The following SIPA1L2 variants were observed in gnomAD, a reference collection of about 807,000 sequenced individuals.
SIPA1L2 encodes signal induced proliferation associated 1 like 2.
In SIPA1L2, 56 loss-of-function variants were observed where a neutral mutation model predicts 163.9. The ratio of observed to expected loss-of-function variants is 0.34; its 90% CI spans 0.28 to 0.43. SIPA1L2 has a LOEUF of 0.43. Ranked by LOEUF, SIPA1L2 falls within the 20% of genes least tolerant of loss-of-function variation. The pLI, the probability that SIPA1L2 is intolerant of heterozygous loss-of-function variation, is 1.00. For synonymous variants in SIPA1L2, 877 were observed against 865.7 expected, an observed-to-expected ratio of 1.01 and a Z score of -0.23; for missense variants, 1,974 against 2,193.5, an observed-to-expected ratio of 0.90 and a Z score of 2.00.
intron 3 of SIPA1L2, among the ~76,000 whole-genome samples, chr1:232,501,147 T>C (rs1372612169): frequency 7.2e-6 from 1 of 138,478 alleles, no homozygotes; most frequent in Non-Finnish European, 1.5e-5. Flanking sequence ...AAGCTCTGCC[T>C]CCCAGGTTCA....
At chr1:232,528,084 A>AT (rs1667801222) in intron 2 of SIPA1L2, among the ~76,000 whole-genome samples, 2 of 122,948 alleles carry the variant, frequency 1.6e-5, no homozygotes, top group South Asian at 2.6e-4. Flanking sequence ...AGTTTTATAT[A>AT]TATATATATA....
At chr1:232,536,255 C>G (rs766732900) in intron 2 of SIPA1L2, among the ~76,000 whole-genome samples, 1 of 152,242 alleles carries the variant, frequency 6.6e-6, no homozygotes, top group Non-Finnish European at 1.5e-5. Flanking sequence ...CCTTCACTCT[C>G]TTTTGGCAAT....
chr1:232,488,022 T>C (rs578078819), intron 5 of SIPA1L2, among the ~76,000 whole-genome samples: 1 of 152,076 alleles, frequency 6.6e-6, no homozygotes, highest in Non-Finnish European at 1.5e-5. Flanking sequence ...GGTGCGATCT[T>C]GGCTCACTGC....
chr1:232,573,751 G>A (rs765189300), intron 2 of SIPA1L2, among the ~76,000 whole-genome samples: 8 of 152,104 alleles, frequency 5.3e-5, no homozygotes, highest in South Asian at 2.1e-4. Flanking sequence ...CACAACGGCC[G>A]CTCTCAGTGG....
At chr1:232,512,485 G>A (rs1361263045) in intron 3 of SIPA1L2, among the ~76,000 whole-genome samples, 1 of 152,136 alleles carries the variant, frequency 6.6e-6, no homozygotes, top group African/African-American at 2.4e-5. Context: ...GCCCATCAAT[G>A]ATAGACTAGA....
At position 232,404,027 on chromosome 1, in the gene SIPA1L2, C is replaced by T; in HGVS notation, c.4816+98G>A. 7 of 1,385,520 alleles carry T rather than the reference C, an allele frequency of 5.1e-6. No homozygotes were observed. The South Asian group carries it at 5.9e-5, about 12-fold the overall frequency. 85.8% of individuals were successfully genotyped at this position (1,385,520 alleles called of 1,614,324 possible). Reference sequence around the variant, plus strand: ...ACATGTCCCGCTGTGCACCCCCAACCCTCAGGGCGTGAATAACCATGCAGA... The same window carrying T: ...ACATGTCCCGCTGTGCACCCCCAACTCTCAGGGCGTGAATAACCATGCAGA... On this transcript the variant is annotated intron_variant, in intron 20 of 22. Coordinates refer to ENST00000674635, the MANE Select transcript of SIPA1L2 (RefSeq NM_020808.5).
At chr1:232,629,735 G>A (rs1204780584) in intron 1 of SIPA1L2, among the ~76,000 whole-genome samples, 134 bp downstream of exon 1, 2 of 150,234 alleles carry the variant, frequency 1.3e-5, no homozygotes, top group Non-Finnish European at 3.0e-5. Flanking sequence ...CGCGCCCCTC[G>A]CACCCCTCGC....
At chr1:232,549,457 C>T (rs1181393123) in intron 2 of SIPA1L2, among the ~76,000 whole-genome samples, 2 of 152,336 alleles carry the variant, frequency 1.3e-5, no homozygotes, top group East Asian at 3.9e-4. Context: ...AAGCTGACCA[C>T]TTTAGAGTGT....
At position 232,515,069 on chromosome 1, in the gene SIPA1L2, T is replaced by C. The variant is rs1414274248; in HGVS notation, c.271A>G (p.Lys91Glu). 6.2e-7 allele frequency: 1 copy of C among 1,614,192 alleles called. No homozygotes were observed. Among genetic ancestry groups the C allele is most frequent in the South Asian group, 1.1e-5 (1 of 91,086 alleles). Residue 91 changes from lysine to glutamate, a missense_variant, in exon 3 of 23, where the codon AAG becomes GAG. Transcript: ENST00000674635. ...CACAGTGCCTTGCATGTTAGCTCCT[T>C]GGAACAGTCCTTTTTAGGAGGCCAT... is the stretch of plus-strand genomic sequence containing the variant. The part of the protein sequence containing the change: ...SEWPPKKDCS[K>E]ELTCKALWES...
intron 18 of SIPA1L2, among the ~76,000 whole-genome samples, chr1:232,417,507 G>A (rs1661330493): frequency 6.6e-6 from 1 of 152,072 alleles, no homozygotes; most frequent in Admixed American, 6.5e-5. Context: ...GCAGAGGAGG[G>A]AAGCAGCAAC....
intron 1 of SIPA1L2, among the ~76,000 whole-genome samples, chr1:232,625,868 A>G (rs1663047928): frequency 6.6e-6 from 1 of 152,228 alleles, no homozygotes; most frequent in African/African-American, 2.4e-5. Flanking sequence ...ACTTACAGAG[A>G]TTATATAAAA....
At chr1:232,587,923 C>T (rs761667675) in intron 1 of SIPA1L2, among the ~76,000 whole-genome samples, 4 of 152,180 alleles carry the variant, frequency 2.6e-5, no homozygotes, top group Non-Finnish European at 5.9e-5. Flanking sequence ...CCATGTGAGA[C>T]GTGCCTTTCA....
chr1:232,432,667 C>T (rs1488885997), intron 15 of SIPA1L2, among the ~76,000 whole-genome samples, 196 bp from the exon 16 acceptor site: 8 of 152,292 alleles, frequency 5.3e-5, no homozygotes, highest in Middle Eastern at 3.4e-3. Flanking sequence ...AGGTTACTCA[C>T]GTGCAAGTTG....
At chr1:232,436,963 A>G (rs565010579) in intron 15 of SIPA1L2, among the ~76,000 whole-genome samples, 1 of 152,280 alleles carries the variant, frequency 6.6e-6, no homozygotes, top group South Asian at 2.1e-4. Flanking sequence ...AACATCTATC[A>G]CTTATACAAC....
chr1:232,433,008 T>A (rs1662340454), intron 15 of SIPA1L2, among the ~76,000 whole-genome samples: 1 of 152,130 alleles, frequency 6.6e-6, no homozygotes, highest in Non-Finnish European at 1.5e-5. Context: ...TATGAAGGTG[T>A]GTGCACCTGC....
intron 1 of SIPA1L2, among the ~76,000 whole-genome samples, chr1:232,601,988 G>C (rs896687609): frequency 6.6e-6 from 1 of 152,262 alleles, no homozygotes; most frequent in East Asian, 1.9e-4. Flanking sequence ...AATTATTTCA[G>C]AGGGTGCAAA....
At chr1:232,568,529 T>C (rs1193420446) in intron 2 of SIPA1L2, among the ~76,000 whole-genome samples, 1 of 152,110 alleles carries the variant, frequency 6.6e-6, no homozygotes, top group Non-Finnish European at 1.5e-5. Flanking sequence ...CTTTGTGCAA[T>C]GGGTTCAGGT....
At chr1:232,619,670 T>G (rs1662692893) in intron 1 of SIPA1L2, among the ~76,000 whole-genome samples, 1 of 152,048 alleles carries the variant, frequency 6.6e-6, no homozygotes, top group South Asian at 2.1e-4. Context: ...TCCTCAGGGG[T>G]CTCACACCCT....
At chr1:232,476,299 AG>A (rs1411517488) in intron 7 of SIPA1L2, among the ~76,000 whole-genome samples, 1 of 152,108 alleles carries the variant, frequency 6.6e-6, no homozygotes, top group African/African-American at 2.4e-5. Context: ...TCAGAAACCT[AG>A]GGGCTTGGTC....
Sources: gnomAD v4.1 joint callset for allele counts (sites outside exome capture counted in the v4.1 genomes callset) on GRCh38, gnomAD v4.1.1 for gene constraint, MANE v1.5 for transcripts, NCBI Gene and HGNC (gene_info 2026-07-23, HGNC 2026-07-21) for gene names.